The following RBFOX1 variants were observed in gnomAD, a reference collection of about 807,000 sequenced individuals.
RBFOX1 encodes RNA binding fox-1 homolog 1, also known as RNA binding protein fox-1 homolog 1.
RBFOX1 carries 8 observed loss-of-function variants against 57.7 expected under a neutral mutation model. The ratio of observed to expected loss-of-function variants is 0.14; its 90% CI spans 0.08 to 0.25. RBFOX1 has a LOEUF of 0.25. Ranked by LOEUF, RBFOX1 falls within the 10% of genes least tolerant of loss-of-function variation. The pLI is 1.00. For synonymous variants in RBFOX1, 326 were observed against 222.4 expected (o/e 1.47, Z -4.15); for missense variants, 611 against 548.5 (o/e 1.11, Z -1.14).
intron 3 of RBFOX1, among the ~76,000 whole-genome samples, chr16:6,994,677 C>A (rs1346599993): frequency 6.6e-6 from 1 of 152,166 alleles, no homozygotes; most frequent in South Asian, 2.1e-4. Context: ...TTATGCCTCT[C>A]CACCCGAAAG....
rs141627907 is a variant in RBFOX1 at position 6,975,132 on chromosome 16, A to G, written c.-15-76925A>G. Among the ~76,000 whole-genome samples, 287 of 152,116 alleles carry G rather than the reference A, an allele frequency of 1.9e-3. 2 individuals are homozygous for G. Among genetic ancestry groups the G allele is most frequent in the African/African-American group, 6.9e-3 (285 of 41,500 alleles). Reference sequence around the variant, plus strand: ...GTCAGAGAGCAGAGGAAGGTGTTTCACTCTGTGCAGATCCTGGACTAGCTC... The same window carrying G: ...GTCAGAGAGCAGAGGAAGGTGTTTCGCTCTGTGCAGATCCTGGACTAGCTC... On this transcript the variant is annotated intron_variant, in intron 3 of 15. Coordinates refer to ENST00000550418, the MANE Select transcript of RBFOX1 (RefSeq NM_018723.4).
At chr16:5,511,031 C>A (rs1010757063) in intron 2 of RBFOX1, among the ~76,000 whole-genome samples, 9 of 152,036 alleles carry the variant, frequency 5.9e-5, no homozygotes, top group Non-Finnish European at 4.4e-5. Flanking sequence ...ATGAGGAGGT[C>A]CTTTGGAAGG....
chr16:5,549,418 T>G (rs373499490), intron 2 of RBFOX1, among the ~76,000 whole-genome samples: 31 of 152,262 alleles, frequency 2.0e-4, no homozygotes, highest in African/African-American at 7.2e-4. Context: ...TCAGAAGGAA[T>G]TTTTCTATTT....
At chr16:6,289,308 G>C (rs62016193) in intron 1 of RBFOX1, among the ~76,000 whole-genome samples, 1 of 151,966 alleles carries the variant, frequency 6.6e-6, no homozygotes, top group Non-Finnish European at 1.5e-5. Context: ...GTGGATATAG[G>C]TGTTATTCTT....
At chr16:6,075,226 T>C (rs984645799) in intron 1 of RBFOX1, among the ~76,000 whole-genome samples, 9 of 152,240 alleles carry the variant, frequency 5.9e-5, no homozygotes, top group African/African-American at 2.2e-4. Context: ...ATGAGTACTT[T>C]GCAATGCCAT....
chr16:5,713,182 T>G (rs2051559405), intron 3 of RBFOX1, among the ~76,000 whole-genome samples: 1 of 152,202 alleles, frequency 6.6e-6, no homozygotes, highest in Admixed American at 6.5e-5. Flanking sequence ...ATACTGTCTT[T>G]TTATTTGCTT....
At chr16:7,000,776 C>A (rs964367083) in intron 3 of RBFOX1, among the ~76,000 whole-genome samples, 1 of 151,674 alleles carries the variant, frequency 6.6e-6, no homozygotes, top group African/African-American at 2.4e-5. Context: ...GGCTAACTTT[C>A]TATATTTTTA....
At chr16:5,575,923 G>A (rs1032473126) in intron 2 of RBFOX1, among the ~76,000 whole-genome samples, 1 of 151,540 alleles carries the variant, frequency 6.6e-6, no homozygotes, top group Non-Finnish European at 1.5e-5. Flanking sequence ...TTTGCACTTA[G>A]AAGTGAAGAC....
At chr16:5,699,030 C>T (rs1176139892) in intron 3 of RBFOX1, among the ~76,000 whole-genome samples, 13 of 146,084 alleles carry the variant, frequency 8.9e-5, no homozygotes, top group Non-Finnish European at 1.6e-4. Flanking sequence ...CTCTGTTGCC[C>T]GGGCTGGAAT....
At chr16:7,210,259 G>A (rs779164539) in intron 4 of RBFOX1, among the ~76,000 whole-genome samples, 12 of 152,150 alleles carry the variant, frequency 7.9e-5, no homozygotes, top group South Asian at 2.1e-4. Flanking sequence ...ATAGGATTGC[G>A]AGGCTGACTA....
At chr16:5,292,749 G>C (rs991282215) in intron 1 of RBFOX1, among the ~76,000 whole-genome samples, 1 of 152,032 alleles carries the variant, frequency 6.6e-6, no homozygotes, top group Non-Finnish European at 1.5e-5. Flanking sequence ...TCAGCCTCCT[G>C]AGTAGCTGGG....
chr16:5,976,673 A>G (rs1253220027), intron 4 of RBFOX1, among the ~76,000 whole-genome samples: 2 of 152,200 alleles, frequency 1.3e-5, no homozygotes, highest in African/African-American at 4.8e-5. Context: ...GTTCGAGACC[A>G]GCCTGGCCAA....
intron 11 of RBFOX1, among the ~76,000 whole-genome samples, chr16:7,636,323 C>T (rs1421049060): frequency 6.6e-6 from 1 of 152,156 alleles, no homozygotes; most frequent in Non-Finnish European, 1.5e-5. Flanking sequence ...TTTGTCTCTG[C>T]CTTTCTCCTA....
intron 3 of RBFOX1, among the ~76,000 whole-genome samples, chr16:6,803,488 C>T (rs576115815): frequency 1.0e-3 from 159 of 152,304 alleles, no homozygotes; most frequent in African/African-American, 3.5e-3. Context: ...AAATTTTTAG[C>T]TCCCCAGTGC....
intron 4 of RBFOX1, among the ~76,000 whole-genome samples, chr16:7,434,129 C>T (rs531684029): frequency 6.6e-6 from 1 of 151,570 alleles, no homozygotes; most frequent in Non-Finnish European, 1.5e-5. Flanking sequence ...AGTAAAGTTT[C>T]ATAAACCAGG....
chr16:6,073,169 A>G (rs1288800795), intron 1 of RBFOX1, among the ~76,000 whole-genome samples: 2 of 152,196 alleles, frequency 1.3e-5, no homozygotes, highest in Non-Finnish European at 2.9e-5. Flanking sequence ...CCACAAGTTG[A>G]TAACTAAGCC....
intron 2 of RBFOX1, among the ~76,000 whole-genome samples, chr16:6,358,599 G>A (rs574553504): frequency 1.3e-5 from 2 of 152,306 alleles, no homozygotes; most frequent in East Asian, 3.9e-4. Context: ...TTTACAGAGT[G>A]CTTAAGGTGA....
At chr16:6,140,706 A>G (rs1028794780) in intron 1 of RBFOX1, among the ~76,000 whole-genome samples, 18 of 152,206 alleles carry the variant, frequency 1.2e-4, no homozygotes, top group African/African-American at 4.3e-4. Context: ...GGATAGAGTC[A>G]ATCCCATTCC....
intron 10 of RBFOX1, among the ~76,000 whole-genome samples, chr16:7,628,813 A>G (rs527866493): frequency 6.6e-6 from 1 of 152,102 alleles, no homozygotes; most frequent in Non-Finnish European, 1.5e-5. Context: ...GGATTTCACC[A>G]TGTTGGCCAG....
Sources: allele counts gnomAD v4.1 joint callset (sites outside exome capture counted in the v4.1 genomes callset), GRCh38; gene constraint gnomAD v4.1.1; transcripts MANE v1.5; gene names NCBI Gene and HGNC (gene_info 2026-07-23, HGNC 2026-07-21).